The following ASXL2 variants were observed in gnomAD, a reference collection of about 807,000 sequenced individuals.
The protein encoded by ASXL2 is putative Polycomb group protein ASXL2.
Under a neutral mutation model 122.0 loss-of-function variants are expected in ASXL2, and 23 were observed. The ratio of observed to expected loss-of-function variants is 0.19; its 90% CI spans 0.14 to 0.27. The LOEUF (loss-of-function observed/expected upper bound fraction) is 0.27, where lower values mean the gene tolerates loss of function less well. Ranked by LOEUF, ASXL2 falls within the 10% of genes least tolerant of loss-of-function variation. ASXL2 has a pLI of 1.00. For synonymous variants in ASXL2, 650 were observed against 637.0 expected (o/e 1.02, Z -0.31); for missense variants, 1,518 against 1,713.8 (o/e 0.89, Z 2.02).
chr2:25,778,042 A>C (rs2149159856), intron 5 of ASXL2, among the ~76,000 whole-genome samples: 1 of 152,338 alleles, frequency 6.6e-6, no homozygotes, highest in East Asian at 1.9e-4. Context: ...ATATATAGCC[A>C]GTAAGGAGCA....
chr2:25,871,823 G>C (rs1373652791), intron 1 of ASXL2, among the ~76,000 whole-genome samples: 18 of 152,300 alleles, frequency 1.2e-4, no homozygotes, highest in Non-Finnish European at 1.5e-5. Context: ...GGAAAGATCA[G>C]TCAAGCAAAA....
At chr2:25,856,892 G>A (rs769021859) in intron 1 of ASXL2, 8 of 688,384 alleles carry the variant, frequency 1.2e-5, no homozygotes, top group South Asian at 1.0e-4. Flanking sequence ...AGGGGTCCTC[G>A]ATGGAGACGA....
At chr2:25,751,940 T>G (rs991902617) in intron 11 of ASXL2, among the ~76,000 whole-genome samples, 3 of 152,030 alleles carry the variant, frequency 2.0e-5, no homozygotes, top group African/African-American at 4.8e-5. Context: ...CAGCTAATTT[T>G]TTGGTATTTT....
In ASXL2 at chr2:25,820,937, C is replaced by A. The variant is rs150677508; in HGVS notation, c.144-14600G>T. On this transcript the variant is annotated intron_variant, in intron 3 of 12. Coordinates refer to ENST00000435504, the MANE Select transcript of ASXL2 (RefSeq NM_018263.6). The stretch of plus-strand genomic sequence containing the variant: ...ATCCTAGCACACTGGGAGGCCTAGG[C>A]GGGCGGATCACCTGAGGTCAGGAGT... Among the ~76,000 whole-genome samples, 1,297 of 152,132 alleles carry A rather than the reference C, an allele frequency of 8.5e-3. 20 individuals carry two copies. Among genetic ancestry groups the A allele is most frequent in the African/African-American group, 0.029 (1,214 of 41,514 alleles).
chr2:25,781,966 C>CTTTTTT (rs35973982), intron 5 of ASXL2, among the ~76,000 whole-genome samples: 4 of 81,070 alleles, frequency 4.9e-5, no homozygotes, highest in African/African-American at 1.0e-4. Context: ...GGGCTTTTTT[C>CTTTTTT]TTTTTTTTTT....
intron 2 of ASXL2, among the ~76,000 whole-genome samples, chr2:25,844,599 AC>A (rs1363275883): frequency 1.1e-4 from 16 of 151,702 alleles, no homozygotes; most frequent in East Asian, 3.9e-4. Flanking sequence ...AACAAAAAAA[AC>A]AAAACAAAAA....
intron 5 of ASXL2, among the ~76,000 whole-genome samples, chr2:25,788,920 T>C (rs944776175): frequency 6.6e-6 from 1 of 152,134 alleles, no homozygotes; most frequent in African/African-American, 2.4e-5. Context: ...GTACCCAGTA[T>C]GTTTTTTTCT....
intron 5 of ASXL2, among the ~76,000 whole-genome samples, chr2:25,776,545 T>A (rs1447843477): frequency 1.3e-5 from 2 of 152,188 alleles, no homozygotes; most frequent in African/African-American, 2.4e-5. Context: ...GGTCTTACTG[T>A]AACTCTATGT....
chr2:25,743,119 C>T lies in ASXL2; in HGVS notation c.3218G>A (p.Arg1073Lys), dbSNP rs757979259. The T allele has an allele frequency of 4.1e-5, 66 of 1,613,878 alleles. No homozygotes were observed. The highest frequency in any genetic ancestry group is 8.3e-5 in the Admixed American group (5 of 60,010). ...QDQILQTLIQ[R>K]VRRQNLLSVV... ...TGAGAGAAGATTCTGCCTCCGAACCCTCTGAATGAGAGTCTGAAGGATCTG... is the reference window on the plus strand; with the variant it reads ...TGAGAGAAGATTCTGCCTCCGAACCTTCTGAATGAGAGTCTGAAGGATCTG... Residue 1073 changes from arginine (R) to lysine (K), a missense_variant, in exon 13 of 13, where the codon AGG (arginine) becomes AAG (lysine). Coordinates refer to ENST00000435504, the MANE Select transcript of ASXL2 (RefSeq NM_018263.6).
At chr2:25,833,922 A>T (rs577109704) in intron 3 of ASXL2, among the ~76,000 whole-genome samples, 37 of 152,240 alleles carry the variant, frequency 2.4e-4, no homozygotes, top group African/African-American at 7.5e-4. Flanking sequence ...TGATCTCTGA[A>T]GCTGCCTTCC....
chr2:25,742,902 G>T lies in ASXL2; in HGVS notation c.3435C>A (p.Asn1145Lys), dbSNP rs749004587. Residue 1145 changes from asparagine to lysine, a missense_variant, in exon 13 of 13, where the codon AAC becomes AAA. Physicochemically the swap from Asn to Lys is moderately conservative, Grantham distance 94. Transcript: ENST00000435504. ...TGCTTAGACAAAAACGATCTTCAGG[G>T]TTTACAGAATGGGTCCTCCTAAAGC... ...SESFRRTHSV[N>K]PEDRFCLSSP... is the part of the protein sequence containing the mutation. 2 of 1,613,932 alleles carry T rather than the reference G, an allele frequency of 1.2e-6. No individual in the cohort carries two copies. The highest frequency in any genetic ancestry group is 1.3e-5 in the African/African-American group (1 of 75,048).
chr2:25,778,855 A>C (rs1294410067), intron 5 of ASXL2, among the ~76,000 whole-genome samples: 1 of 152,156 alleles, frequency 6.6e-6, no homozygotes. Context: ...TGACATCTTT[A>C]AATTGGAAAT....
intron 4 of ASXL2, 150 bp downstream of exon 4, chr2:25,806,079 T>TA: frequency 3.9e-6 from 2 of 516,876 alleles, no homozygotes; most frequent in Non-Finnish European, 6.9e-6. Flanking sequence ...GATTAGTTTT[T>TA]AAAAAATGTA....
intron 1 of ASXL2, among the ~76,000 whole-genome samples, chr2:25,872,943 GT>G (rs2089974192): frequency 6.6e-6 from 1 of 151,074 alleles, no homozygotes; most frequent in Non-Finnish European, 1.5e-5. Context: ...TTCTTTTTTT[GT>G]TTTTTTCCCC....
At chr2:25,858,457 G>T (rs900107625) in intron 1 of ASXL2, among the ~76,000 whole-genome samples, 1 of 151,882 alleles carries the variant, frequency 6.6e-6, no homozygotes, top group Non-Finnish European at 1.5e-5. Context: ...AGGCACAATG[G>T]CTCACGCCTG....
At chr2:25,864,891 G>A (rs1489747099) in intron 1 of ASXL2, among the ~76,000 whole-genome samples, 1 of 150,732 alleles carries the variant, frequency 6.6e-6, no homozygotes, top group Non-Finnish European at 1.5e-5. Context: ...CAGTACAATA[G>A]CGCGATCTCA....
Position 25,745,354 on chromosome 2 carries a change from A to G in ASXL2, c.1861-878T>C, listed in dbSNP as rs888922178. Among the ~76,000 whole-genome samples the G allele has an allele frequency of 2.0e-5, 3 of 151,604 alleles. No homozygotes were observed. In the East Asian group the frequency reaches 5.9e-4, roughly 30 times the overall value. ...CTGCCACCCGAGTAGCTGGGATTACAGGTGTGGGTCACCACGTCTGGCTAA... is the reference window on the plus strand; with the variant it reads ...CTGCCACCCGAGTAGCTGGGATTACGGGTGTGGGTCACCACGTCTGGCTAA... On this transcript the variant is annotated intron_variant, in intron 12 of 12. Coordinates refer to ENST00000435504, the MANE Select transcript of ASXL2 (RefSeq NM_018263.6).
intron 2 of ASXL2, among the ~76,000 whole-genome samples, chr2:25,844,705 T>C (rs918747909): frequency 7.9e-5 from 12 of 151,980 alleles, no homozygotes; most frequent in East Asian, 1.9e-4. Context: ...TGGGGTACAA[T>C]AGCACCTTCT....
chr2:25,822,209 A>G (rs570880038), intron 3 of ASXL2, among the ~76,000 whole-genome samples: 16 of 152,260 alleles, frequency 1.1e-4, no homozygotes, highest in South Asian at 2.1e-4. Context: ...TTTTCTCTAC[A>G]TAAAAATTTA....
Sources: allele counts gnomAD v4.1 joint callset (sites outside exome capture counted in the v4.1 genomes callset), GRCh38; gene constraint gnomAD v4.1.1; transcripts MANE v1.5; gene names NCBI Gene and HGNC (gene_info 2026-07-23, HGNC 2026-07-21).